CAMTA1: variants seen among roughly 807,000 people sequenced by gnomAD.
CAMTA1 encodes the protein calmodulin binding transcription activator 1, also known as calmodulin-binding transcription activator 1.
CAMTA1 carries 27 observed loss-of-function variants against 170.9 expected under a neutral mutation model. That is an observed-to-expected ratio of 0.16 (90% confidence interval 0.12 to 0.22). CAMTA1 has a LOEUF of 0.22. Among genes scored for constraint, CAMTA1 ranks in the 10% least tolerant of loss-of-function variants. The pLI is 1.00. For missense variants in CAMTA1, 1,619 were observed against 2,217.2 expected, an observed-to-expected ratio of 0.73 and a Z score of 5.42; for synonymous variants, 833 against 891.5, an observed-to-expected ratio of 0.93 and a Z score of 1.17.
chr1:7,747,918 TTA>T lies in CAMTA1; in HGVS notation c.4689+139_4689+140del, dbSNP rs1416112878. 45 of 549,196 alleles carry T rather than the reference TTA, an allele frequency of 8.2e-5. No individual in the cohort carries two copies. In the East Asian group the frequency reaches 8.7e-4, roughly 11 times the overall value. The allele number at this position is 549,196 out of a possible 1,614,324, so 34.0% of individuals were successfully genotyped here. ...TTGTTTTTTGGTTGTTTTTTTTTTTTTATTTTTTTTTTGAAACGGAGTCTGGC... is the reference window on the plus strand; with the variant it reads ...TTGTTTTTTGGTTGTTTTTTTTTTTTTTTTTTTTTTGAAACGGAGTCTGGC... On this transcript the variant is annotated intron_variant, in intron 19 of 22. Coordinates refer to ENST00000303635, the MANE Select transcript of CAMTA1 (RefSeq NM_015215.4).
At chr1:7,096,062 T>A (rs1642039741) in intron 4 of CAMTA1, among the ~76,000 whole-genome samples, 1 of 152,236 alleles carries the variant, frequency 6.6e-6, no homozygotes, top group Non-Finnish European at 1.5e-5. Context: ...TTGATATAGA[T>A]AGCACCTCCA....
chr1:7,749,761 T>C lies in CAMTA1; in HGVS notation c.4690-1438T>C, dbSNP rs1375805580. The C allele has an allele frequency of 6.6e-6, 3 of 456,480 alleles. No individual in the cohort carries two copies. In the Admixed American group the frequency reaches 7.1e-5, roughly 11 times the overall value. 28.3% of individuals were successfully genotyped at this position (456,480 alleles called of 1,614,324 possible). A position where few individuals can be genotyped will look rare whatever the true frequency, so the allele number is the denominator to read the frequency against. On this transcript the variant is annotated intron_variant, in intron 19 of 22. Coordinates refer to ENST00000303635, the MANE Select transcript of CAMTA1 (RefSeq NM_015215.4). ...AACATTAATCTTGTATTTTCTGTTT[T>C]TCCCCCAAGCTGACATGGATAGCCT...
chr1:7,690,702 A>G (rs1237347843), intron 11 of CAMTA1, among the ~76,000 whole-genome samples: 1 of 152,206 alleles, frequency 6.6e-6, no homozygotes, highest in Non-Finnish European at 1.5e-5. Flanking sequence ...ATGTGTACCC[A>G]TGTGTAGTGA....
intron 4 of CAMTA1, among the ~76,000 whole-genome samples, chr1:7,218,151 A>C (rs965502012): frequency 3.9e-5 from 6 of 152,178 alleles, no homozygotes; most frequent in African/African-American, 1.2e-4. Flanking sequence ...GTTGTTTTTG[A>C]GAAGGCTGAC....
At chr1:7,356,029 A>G (rs1458727696) in intron 5 of CAMTA1, among the ~76,000 whole-genome samples, 1 of 152,248 alleles carries the variant, frequency 6.6e-6, no homozygotes, top group Non-Finnish European at 1.5e-5. Context: ...CCAACCATCC[A>G]GAAGGCTGGA....
chr1:7,735,463 A>C (rs961206001), intron 12 of CAMTA1, among the ~76,000 whole-genome samples: 2 of 151,892 alleles, frequency 1.3e-5, no homozygotes, highest in African/African-American at 4.8e-5. Flanking sequence ...AAAAAAAGAA[A>C]AAAGAAGAAG....
chr1:7,261,487 A>G (rs1307464083), intron 5 of CAMTA1, among the ~76,000 whole-genome samples: 1 of 152,238 alleles, frequency 6.6e-6, no homozygotes, highest in Non-Finnish European at 1.5e-5. Context: ...TTTCCAACGG[A>G]AGTGAGGTCA....
chr1:7,072,260 T>C (rs192772016), intron 3 of CAMTA1, among the ~76,000 whole-genome samples: 130 of 152,298 alleles, frequency 8.5e-4, no homozygotes, highest in African/African-American at 2.9e-3. Flanking sequence ...TGTGTGCTGG[T>C]TGGCTATTTC....
chr1:7,408,904 C>T (rs565131527), intron 5 of CAMTA1, among the ~76,000 whole-genome samples: 14 of 152,322 alleles, frequency 9.2e-5, no homozygotes, highest in South Asian at 6.2e-4. Flanking sequence ...CCCTTGGTGC[C>T]TGTCTGCTCA....
chr1:6,829,159 TCCC>T (rs1648633614), intron 3 of CAMTA1, among the ~76,000 whole-genome samples: 1 of 152,160 alleles, frequency 6.6e-6, no homozygotes, highest in Non-Finnish European at 1.5e-5. Flanking sequence ...CGCTTCAGCC[TCCC>T]AAGGTGCTGG....
intron 5 of CAMTA1, among the ~76,000 whole-genome samples, chr1:7,412,513 T>C (rs1320997028): frequency 2.0e-5 from 3 of 152,248 alleles, no homozygotes; most frequent in African/African-American, 7.2e-5. Flanking sequence ...TGGCCAGTGA[T>C]GGTGAGCATT....
intron 14 of CAMTA1, 33 bp from the exon 15 acceptor site, chr1:7,737,222 T>G (rs377421047): frequency 3.4e-5 from 55 of 1,596,500 alleles, no homozygotes; most frequent in Admixed American, 6.8e-5. Flanking sequence ...GACCTCTGAT[T>G]GAGAACGCTT....
chr1:7,645,471 A>T (rs1193667166), intron 7 of CAMTA1, among the ~76,000 whole-genome samples: 1 of 152,218 alleles, frequency 6.6e-6, no homozygotes, highest in Non-Finnish European at 1.5e-5. Flanking sequence ...GTGAGTGGCG[A>T]GGGCATGACT....
chr1:6,889,505 T>A (rs2149126042), intron 3 of CAMTA1, among the ~76,000 whole-genome samples: 1 of 152,354 alleles, frequency 6.6e-6, no homozygotes, highest in East Asian at 1.9e-4. Context: ...GTAAGTGGGA[T>A]GTGCTTAGAA....
intron 11 of CAMTA1, among the ~76,000 whole-genome samples, chr1:7,725,422 T>C (rs2096678176): frequency 6.6e-6 from 1 of 152,240 alleles, no homozygotes. Flanking sequence ...TAAATCGTTT[T>C]CGAGTATCGC....
At chr1:7,434,564 C>A (rs1310487358) in intron 5 of CAMTA1, among the ~76,000 whole-genome samples, 1 of 152,234 alleles carries the variant, frequency 6.6e-6, no homozygotes, top group Non-Finnish European at 1.5e-5. Flanking sequence ...AGTCTGACAT[C>A]ATCAGACATT....
intron 3 of CAMTA1, among the ~76,000 whole-genome samples, chr1:6,841,489 G>T (rs151119327): frequency 6.6e-6 from 1 of 152,108 alleles, no homozygotes; most frequent in Non-Finnish European, 1.5e-5. Flanking sequence ...TTCCAGTGGA[G>T]TGTTGGTGCG....
chr1:7,208,259 T>C (rs1658121757), intron 4 of CAMTA1, among the ~76,000 whole-genome samples: 1 of 152,256 alleles, frequency 6.6e-6, no homozygotes, highest in Non-Finnish European at 1.5e-5. Flanking sequence ...GTTGGTTTGT[T>C]CTTTGGTTTG....
chr1:7,466,639 G>A (rs1293813328), intron 5 of CAMTA1, among the ~76,000 whole-genome samples: 1 of 152,162 alleles, frequency 6.6e-6, no homozygotes, highest in Non-Finnish European at 1.5e-5. Context: ...GAGAGGTGGG[G>A]GAGGCCTTTT....
Sources: allele counts gnomAD v4.1 joint callset (sites outside exome capture counted in the v4.1 genomes callset), GRCh38; gene constraint gnomAD v4.1.1; transcripts MANE v1.5; gene names NCBI Gene and HGNC (gene_info 2026-07-23, HGNC 2026-07-21).